ANKFN1: variants seen among roughly 807,000 people sequenced by gnomAD.
ANKFN1 encodes ankyrin repeat and fibronectin type-III domain-containing protein 1.
In ANKFN1, 74 loss-of-function variants were observed where a neutral mutation model predicts 108.7. The ratio of observed to expected loss-of-function variants is 0.68; its 90% confidence interval spans 0.56 to 0.83. ANKFN1 has a LOEUF of 0.83. Among genes scored for constraint, ANKFN1 ranks in the 40% least tolerant of loss-of-function variants. The probability of loss-of-function intolerance (pLI) is 0.00; values close to 1 mark genes in which losing one functional copy is unlikely to be tolerated. For synonymous variants in ANKFN1, 547 were observed against 516.2 expected (o/e 1.06, Z -0.81); for missense variants, 1,505 against 1,382.3 (o/e 1.09, Z -1.41).
chr17:56,457,730 CGT>C, intron 13 of ANKFN1, 131 bp from the exon 14 acceptor site: 1 of 704,242 alleles, frequency 1.4e-6, no homozygotes, highest in South Asian at 1.9e-5. Context: ...AAAGTTGTTT[CGT>C]GTGTGTCTGA....
chr17:56,443,538 A>G (rs1468443590), intron 10 of ANKFN1, among the ~76,000 whole-genome samples: 3 of 152,142 alleles, frequency 2.0e-5, no homozygotes, highest in Admixed American at 2.0e-4. Flanking sequence ...CCTCACCCGC[A>G]GTGCACACAT....
chr17:56,380,558 T>C (rs7213270), intron 8 of ANKFN1, among the ~76,000 whole-genome samples: 85,026 of 152,104 alleles, frequency 0.56, 28,021 homozygotes, highest in East Asian at 0.96. Flanking sequence ...AGACGGCACC[T>C]GGAAAATCGG....
At position 56,321,463 on chromosome 17, in the gene ANKFN1, A is replaced by G. The variant is rs1427359933; in HGVS notation, c.54-4758A>G. Among the ~76,000 whole-genome samples the G allele has an allele frequency of 4.1e-3, 554 of 135,138 alleles. 3 individuals are homozygous for G. Among genetic ancestry groups the G allele is most frequent in the African/African-American group, 0.018 (518 of 28,062 alleles). 88.7% of individuals were successfully genotyped at this position (135,138 alleles called of 152,430 possible). On this transcript the variant is annotated intron_variant, in intron 3 of 20. Coordinates refer to ENST00000682825, the MANE Select transcript of ANKFN1 (RefSeq NM_001370326.1). The stretch of plus-strand genomic sequence containing the variant: ...CCTGATGAAAAGGCACTCCCTAAGA[A>G]AAAAAAAAAAAAATCTTCGCTGAAA...
chr17:56,501,509 A>T (rs1417000121), intron 20 of ANKFN1, among the ~76,000 whole-genome samples: 1 of 152,196 alleles, frequency 6.6e-6, no homozygotes, highest in Admixed American at 6.5e-5. Flanking sequence ...AAGGAAAAAC[A>T]AGCTTGGGTG....
At chr17:56,260,948 A>G (rs1208878010) in intron 3 of ANKFN1, among the ~76,000 whole-genome samples, 1 of 152,266 alleles carries the variant, frequency 6.6e-6, no homozygotes, top group East Asian at 1.9e-4. Flanking sequence ...ATGCAAATAC[A>G]GTAGACTGTT....
chr17:56,371,308 A>G (rs1255433149), intron 6 of ANKFN1, among the ~76,000 whole-genome samples: 3 of 152,220 alleles, frequency 2.0e-5, no homozygotes, highest in Non-Finnish European at 4.4e-5. Context: ...CTAATTTTTC[A>G]TTGACCTCGT....
rs147097901 is a variant in ANKFN1 at position 56,251,643 on chromosome 17, C to G, written c.53+23686C>G. 6.9e-3 allele frequency among the ~76,000 whole-genome samples: 1,052 copies of G among 152,254 alleles called. 8 individuals carry two copies. Among genetic ancestry groups the G allele is most frequent in the Non-Finnish European group, 0.012 (805 of 68,010 alleles). On this transcript the variant is annotated intron_variant, in intron 3 of 20. Transcript: ENST00000682825. ...ATTAGGCATCCACCTCAGAACTGCA[C>G]AGTGTTTATTTTTACTTACTTGTTT...
At chr17:56,314,011 G>A (rs905290046) in intron 3 of ANKFN1, among the ~76,000 whole-genome samples, 1 of 152,110 alleles carries the variant, frequency 6.6e-6, no homozygotes, top group Non-Finnish European at 1.5e-5. Flanking sequence ...TGGTCATCAG[G>A]GGAATGTAAT....
chr17:56,356,872 T>C (rs1177903985), intron 6 of ANKFN1, among the ~76,000 whole-genome samples: 2 of 152,128 alleles, frequency 1.3e-5, no homozygotes, highest in Non-Finnish European at 1.5e-5. Flanking sequence ...TGCACTGGGC[T>C]GGATGAAACA....
intron 3 of ANKFN1, among the ~76,000 whole-genome samples, chr17:56,228,951 T>C (rs1422600578): frequency 1.3e-5 from 2 of 152,068 alleles, no homozygotes; most frequent in African/African-American, 4.8e-5. Context: ...TTATACATGT[T>C]CTAATAAATT....
intron 4 of ANKFN1, among the ~76,000 whole-genome samples, chr17:56,052,741 C>G (rs73323669): frequency 0.12 from 17,893 of 152,008 alleles, 1,213 homozygotes; most frequent in African/African-American, 0.19. Context: ...CTCAACAACC[C>G]TATGTGGTGT....
chr17:56,130,882 C>T (rs1463684542), intron 4 of ANKFN1, among the ~76,000 whole-genome samples: 1 of 151,912 alleles, frequency 6.6e-6, no homozygotes, highest in Non-Finnish European at 1.5e-5. Flanking sequence ...CCTCCTTGGA[C>T]TGAATTGGGT....
intron 4 of ANKFN1, among the ~76,000 whole-genome samples, chr17:56,071,784 C>T (rs1905123896): frequency 6.6e-6 from 1 of 152,210 alleles, no homozygotes; most frequent in South Asian, 2.1e-4. Flanking sequence ...AAGGACATAT[C>T]CCAGTGCTTT....
In ANKFN1 at chr17:56,155,945, A is replaced by G. The variant is rs74820698; in HGVS notation, c.-71+2415A>G. ...CTAAGCAGCCTACGTGGGAAGTCAC[A>G]TGGTGTCTGGGAAACTTGGATGTGG... On this transcript the variant is annotated intron_variant, in intron 1 of 20. Coordinates refer to ENST00000682825, the MANE Select transcript of ANKFN1 (RefSeq NM_001370326.1). 8.6e-3 allele frequency among the ~76,000 whole-genome samples: 1,317 copies of G among 152,268 alleles called. 6 individuals carry two copies. The highest frequency in any genetic ancestry group is 0.019 in the South Asian group (94 of 4,826).
At chr17:56,411,380 G>A (rs1665562210) in intron 8 of ANKFN1, among the ~76,000 whole-genome samples, 1 of 151,998 alleles carries the variant, frequency 6.6e-6, no homozygotes, top group South Asian at 2.1e-4. Flanking sequence ...CTACAGGTTT[G>A]GGTTCTTCTG....
At chr17:56,047,934 T>G (rs905011036) in intron 4 of ANKFN1, among the ~76,000 whole-genome samples, 4 of 152,232 alleles carry the variant, frequency 2.6e-5, no homozygotes, top group African/African-American at 4.8e-5. Context: ...CCCGTTACTA[T>G]TAATGCATTG....
In ANKFN1 at chr17:56,514,887, G is replaced by A. The variant is rs1275113060; in HGVS notation, c.*3618G>A. The stretch of plus-strand genomic sequence containing the variant: ...ATCATGCCAGAGAAGTGGAAAAGAG[G>A]ACTGGACCCTCGTTCATTGTTATCC... On this transcript the variant is annotated 3_prime_UTR_variant, in exon 21 of 21. Transcript: ENST00000682825. 6.6e-6 allele frequency among the ~76,000 whole-genome samples: 1 copy of A among 152,094 alleles called. No individual in the cohort carries two copies. Among genetic ancestry groups the A allele is most frequent in the Non-Finnish European group, 1.5e-5 (1 of 68,020 alleles).
At chr17:56,227,894 CT>C in intron 2 of ANKFN1, 22 bp from the exon 3 acceptor site, 1 of 1,592,080 alleles carries the variant, frequency 6.3e-7, no homozygotes, top group Non-Finnish European at 8.5e-7. Flanking sequence ...TTTTAACATT[CT>C]TTTTTTCTTT....
At chr17:56,069,375 C>T (rs1053957127) in intron 4 of ANKFN1, among the ~76,000 whole-genome samples, 1 of 152,150 alleles carries the variant, frequency 6.6e-6, no homozygotes, top group Non-Finnish European at 1.5e-5. Flanking sequence ...AAAGGCTGAC[C>T]TGAGACTGGA....
Sources: allele counts gnomAD v4.1 joint callset (sites outside exome capture counted in the v4.1 genomes callset), GRCh38; gene constraint gnomAD v4.1.1; transcripts MANE v1.5; gene names NCBI Gene and HGNC (gene_info 2026-07-23, HGNC 2026-07-21).